Variants in LCP2 observed in about 807,000 individuals in gnomAD.
LCP2 encodes 76 kDa tyrosine phosphoprotein.
LCP2 carries 29 observed loss-of-function variants against 74.5 expected under a neutral mutation model. The observed-to-expected ratio is 0.39, with a 90% CI of 0.29 to 0.53. The LOEUF is 0.53. Ranked by LOEUF, LCP2 falls within the 20% of genes least tolerant of loss-of-function variation. LCP2 has a pLI of 0.72. For synonymous variants in LCP2, 228 were observed against 229.5 expected, an observed-to-expected ratio of 0.99 and a Z score of 0.06; for missense variants, 604 against 634.6, an observed-to-expected ratio of 0.95 and a Z score of 0.52.
At chr5:170,271,845 C>T (rs1761901245) in intron 6 of LCP2, among the ~76,000 whole-genome samples, 1 of 152,172 alleles carries the variant, frequency 6.6e-6, no homozygotes, top group Non-Finnish European at 1.5e-5. Context: ...AGAAATGTTC[C>T]AGTGTCCTAG....
At chr5:170,276,147 GACTTGTCAGCTC>G (rs988097720) in intron 3 of LCP2, among the ~76,000 whole-genome samples, 133 of 152,282 alleles carry the variant, frequency 8.7e-4, no homozygotes, top group African/African-American at 2.8e-3. Flanking sequence ...CCCCCTTAAA[GACTTGTCAGCTC>G]ACACCTGGCT....
intron 2 of LCP2, among the ~76,000 whole-genome samples, chr5:170,290,957 AAAG>A (rs1762279049): frequency 2.7e-4 from 6 of 22,626 alleles, no homozygotes; most frequent in South Asian, 1.5e-3. Flanking sequence ...GAAAGAAAAG[AAAG>A]AAAGAAAGAA....
chr5:170,253,329 A>G (rs1350618610), intron 17 of LCP2, 116 bp from the exon 18 acceptor site: 1 of 589,270 alleles, frequency 1.7e-6, no homozygotes, highest in East Asian at 3.1e-5. Context: ...GATTGGTCCT[A>G]TAGTTCGCAT....
At chr5:170,292,597 C>T (rs1274350826) in intron 2 of LCP2, among the ~76,000 whole-genome samples, 9 of 152,134 alleles carry the variant, frequency 5.9e-5, no homozygotes, top group East Asian at 5.8e-4. Context: ...CCCCATGAGA[C>T]CCTTGAAGTC....
chr5:170,269,752 C>T (rs114925538), intron 7 of LCP2, among the ~76,000 whole-genome samples: 8,137 of 152,258 alleles, frequency 0.053, 245 homozygotes, highest in Middle Eastern at 0.085. Context: ...GACTGTCAGT[C>T]CCTTGGCGAG....
At chr5:170,269,697 C>T (rs1220613535) in intron 7 of LCP2, among the ~76,000 whole-genome samples, 1 of 152,228 alleles carries the variant, frequency 6.6e-6, no homozygotes, top group African/African-American at 2.4e-5. Flanking sequence ...ACGGTTTCAC[C>T]AAGTAACCTC....
intron 2 of LCP2, among the ~76,000 whole-genome samples, chr5:170,290,939 GAAAGAAAGAAAGA>G (rs1257375304): frequency 8.5e-6 from 1 of 117,450 alleles, no homozygotes; most frequent in Non-Finnish European, 1.7e-5. Context: ...AGAGAAAGAA[GAAAGAAAGAAAGA>G]AAAGAAAGAA....
In LCP2 at chr5:170,253,110, C is replaced by T. The variant is rs1312997567; in HGVS notation, c.1245+9G>A. On this transcript the variant is annotated intron_variant, in intron 18 of 20. Transcript: ENST00000046794. Reference sequence around the variant, plus strand: ...GCAAACAAACAAAAATAAAAACATGCTCTCTTACCTCTTCCTCCGCGGGGG... The same window carrying T: ...GCAAACAAACAAAAATAAAAACATGTTCTCTTACCTCTTCCTCCGCGGGGG... 10 of 1,580,756 alleles carry T rather than the reference C, an allele frequency of 6.3e-6. No homozygotes were observed. Among genetic ancestry groups the T allele is most frequent in the Non-Finnish European group, 7.8e-6 (9 of 1,155,462 alleles).
intron 1 of LCP2, among the ~76,000 whole-genome samples, chr5:170,295,784 A>T (rs1762368543): frequency 6.6e-6 from 1 of 152,212 alleles, no homozygotes; most frequent in East Asian, 1.9e-4. Flanking sequence ...CCAGGATCAC[A>T]GATTTGCCTC....
chr5:170,290,818 C>G (rs975967714), intron 2 of LCP2, among the ~76,000 whole-genome samples: 14 of 152,026 alleles, frequency 9.2e-5, no homozygotes, highest in African/African-American at 3.4e-4. Context: ...ACACAAGTCT[C>G]AAGCTCCTTT....
rs376708785 is a variant in LCP2, at chr5:170,266,856, G to A, written c.724C>T (p.Pro242Ser). ...AACGGAGCTAATGAACGATCTAGGG[G>A]AGGTTTCGTGCTTCTGTCTATTGAA... ...APSIDRSTKP[P>S]LDRSLAPFDR... is the part of the protein sequence containing the mutation. Residue 242 changes from proline to serine, a missense_variant, in exon 10 of 21, where the codon CCC (proline) becomes TCC (serine). Transcript: ENST00000046794. The A allele has an allele frequency of 1.6e-4, 264 of 1,614,006 alleles. No individual in the cohort carries two copies. In the Middle Eastern group the frequency reaches 2.3e-3, roughly 14 times the overall value.
At chr5:170,277,655 A>G (rs1427039932) in intron 3 of LCP2, among the ~76,000 whole-genome samples, 1 of 151,256 alleles carries the variant, frequency 6.6e-6, no homozygotes. Context: ...GAGGCAGGAG[A>G]ACCACTTGAA....
rs544913277 is a variant in LCP2, at chr5:170,247,104, G to A, written c.*1593C>T. ...AAAGCAAGACAAGTGGAGCTTACTC[G>A]ATACTAGAACCTATGGTGTATGCTA... On this transcript the variant is annotated 3_prime_UTR_variant, in exon 21 of 21. Transcript: ENST00000046794. 2.0e-5 allele frequency: 3 copies of A among 152,300 alleles called. No individual in the cohort carries two copies. Among genetic ancestry groups the A allele is most frequent in the African/African-American group, 4.8e-5 (2 of 41,584 alleles). 9.4% of individuals were successfully genotyped at this position (152,300 alleles called of 1,614,324 possible). A position where few individuals can be genotyped will look rare whatever the true frequency, so the allele number is the denominator to read the frequency against.
chr5:170,288,438 G>A (rs929059379), intron 2 of LCP2, among the ~76,000 whole-genome samples: 2 of 152,208 alleles, frequency 1.3e-5, no homozygotes, highest in African/African-American at 4.8e-5. Context: ...AGAGAAGCCA[G>A]CCTGGAGGAG....
At position 170,288,019 on chromosome 5, in the gene LCP2, G is replaced by A. The variant is rs1762213974; in HGVS notation, c.142-3C>T. The A allele has an allele frequency of 6.2e-7, 1 of 1,613,928 alleles. No individual in the cohort carries two copies. Among genetic ancestry groups the A allele is most frequent in the African/African-American group, 1.3e-5 (1 of 75,038 alleles). ...TGGATGTCATTTTCTGTCAGGTTCTGAAATGAAGACACATATGGCAGGCAG... is the reference window on the plus strand; with the variant it reads ...TGGATGTCATTTTCTGTCAGGTTCTAAAATGAAGACACATATGGCAGGCAG... On this transcript the variant is annotated splice_region_variant and splice_polypyrimidine_tract_variant and intron_variant, in intron 2 of 20. Transcript: ENST00000046794.
intron 3 of LCP2, among the ~76,000 whole-genome samples, chr5:170,281,481 T>G (rs7708149): frequency 6.6e-6 from 1 of 151,966 alleles, no homozygotes; most frequent in Non-Finnish European, 1.5e-5. Flanking sequence ...AGCGTTTCAC[T>G]GTGTTAGCCA....
In LCP2 at chr5:170,250,880, G is replaced by C. The variant is rs1214429995; in HGVS notation, c.1329C>G (p.Gly443=). The change falls in exon 20 of 21, where the codon GGC becomes GGG. Residue 443 remains glycine, a synonymous_variant. Coordinates refer to ENST00000046794, the MANE Select transcript of LCP2 (RefSeq NM_005565.5). ...TAGAGCTGTCTCTGACCAGAAATGT[G>C]CCATCCTAAAAAGACAAATTCCTGT... is the stretch of plus-strand genomic sequence containing the variant. ...EAALRKINQD[G]TFLVRDSSKK... 1.2e-6 allele frequency: 2 copies of C among 1,612,792 alleles called. No homozygotes were observed. Among genetic ancestry groups the C allele is most frequent in the Non-Finnish European group, 1.7e-6 (2 of 1,179,194 alleles).
chr5:170,289,094 C>T (rs906456472), intron 2 of LCP2, among the ~76,000 whole-genome samples: 7 of 152,182 alleles, frequency 4.6e-5, no homozygotes, highest in African/African-American at 1.7e-4. Context: ...TTAGGGCATG[C>T]ACTTTGCCTC....
At chr5:170,278,409 T>G (rs1372664494) in intron 3 of LCP2, among the ~76,000 whole-genome samples, 1 of 11,604 alleles carries the variant, frequency 8.6e-5, no homozygotes, top group Non-Finnish European at 1.4e-4. Context: ...AGTGCAGGGG[T>G]TGGGGGCGGG....
Sources: allele counts gnomAD v4.1 joint callset (sites outside exome capture counted in the v4.1 genomes callset), GRCh38; gene constraint gnomAD v4.1.1; transcripts MANE v1.5; gene names NCBI Gene and HGNC (gene_info 2026-07-23, HGNC 2026-07-21).